Variants in AFAP1L1 observed in about 807,000 individuals in gnomAD.
AFAP1L1 encodes the protein actin filament-associated protein 1-like 1.
AFAP1L1 carries 77 observed loss-of-function variants against 99.8 expected under a neutral mutation model. The ratio of observed to expected loss-of-function variants is 0.77; its 90% CI spans 0.64 to 0.93. The LOEUF is 0.93. Ranked by LOEUF, AFAP1L1 falls within the 40% of genes least tolerant of loss-of-function variation. The pLI is 0.00. For missense variants in AFAP1L1, 893 were observed against 996.8 expected, an observed-to-expected ratio of 0.90 and a Z score of 1.40; for synonymous variants, 373 against 395.3, an observed-to-expected ratio of 0.94 and a Z score of 0.67.
At chr5:149,274,751 C>T (rs545135427) in intron 1 of AFAP1L1, among the ~76,000 whole-genome samples, 11 of 152,048 alleles carry the variant, frequency 7.2e-5, no homozygotes, top group East Asian at 1.9e-4. Context: ...TGGTGGCGGG[C>T]GCCTGTAATC....
chr5:149,335,488 A>AAAAT, intron 17 of AFAP1L1, 106 bp from the exon 18 acceptor site: 1 of 1,380,450 alleles, frequency 7.2e-7, no homozygotes. Context: ...TGTCTCAAAA[A>AAAAT]TAAAAATAAA....
intron 1 of AFAP1L1, among the ~76,000 whole-genome samples, chr5:149,296,689 C>T (rs141119637): frequency 1.3e-5 from 2 of 152,284 alleles, no homozygotes; most frequent in Non-Finnish European, 2.9e-5. Flanking sequence ...AGTTAGTGCT[C>T]AGTAAATGTT....
intron 15 of AFAP1L1, among the ~76,000 whole-genome samples, chr5:149,327,570 G>A (rs1757132015): frequency 6.6e-6 from 1 of 151,856 alleles, no homozygotes; most frequent in African/African-American, 2.4e-5. Flanking sequence ...TATTGATGGG[G>A]CCTCCAATAG....
At chr5:149,284,183 A>G (rs538520824) in intron 1 of AFAP1L1, among the ~76,000 whole-genome samples, 12 of 152,318 alleles carry the variant, frequency 7.9e-5, no homozygotes, top group African/African-American at 2.9e-4. Context: ...TGGGGCCTCC[A>G]TGTCCTTCCA....
At position 149,301,159 on chromosome 5, in the gene AFAP1L1, A is replaced by G; in HGVS notation, c.256A>G (p.Met86Val). 6.2e-7 allele frequency: 1 copy of G among 1,614,026 alleles called. No individual in the cohort carries two copies. Among genetic ancestry groups the G allele is most frequent in the Non-Finnish European group, 8.5e-7 (1 of 1,179,914 alleles). Residue 86 changes from methionine (M) to valine (V), a missense_variant, in exon 4 of 19, where the codon ATG becomes GTG. Physicochemically the swap from Met to Val is conservative, Grantham distance 21. Transcript: ENST00000296721. Reference protein sequence around the residue: ...FDCDLSDLRDMPEDDGEPSKG... With the variant: ...FDCDLSDLRDVPEDDGEPSKG... ...CTGTGACCTGAGTGACCTTCGGGAC[A>G]TGCCAGAGGATGATGGGGAGCCCAG...
chr5:149,307,382 C>G lies in AFAP1L1; in HGVS notation c.536-20C>G. On this transcript the variant is annotated intron_variant, in intron 6 of 18. Transcript: ENST00000296721. Reference sequence around the variant, plus strand: ...CCCCAGGATGGCACAGTGATGGATCCTTTCCCGTGACGCCTGCAGATAATG... The same window carrying G: ...CCCCAGGATGGCACAGTGATGGATCGTTTCCCGTGACGCCTGCAGATAATG... 1 of 1,613,540 alleles carries G rather than the reference C, an allele frequency of 6.2e-7. No homozygotes were observed. The highest frequency in any genetic ancestry group is 8.5e-7 in the Non-Finnish European group (1 of 1,179,546).
At chr5:149,281,049 G>T (rs1755502278) in intron 1 of AFAP1L1, among the ~76,000 whole-genome samples, 1 of 152,090 alleles carries the variant, frequency 6.6e-6, no homozygotes, top group Non-Finnish European at 1.5e-5. Flanking sequence ...TTAGCTTCAG[G>T]GACATTGCAC....
In AFAP1L1 at chr5:149,332,676, T is replaced by A; in HGVS notation, c.1976-19T>A. ...TCAGGTCAGGTTCAGCTTTTTCTTA[T>A]CAATGTCTCTTGATTCAGGAGCAAA... On this transcript the variant is annotated intron_variant, in intron 16 of 18. Coordinates refer to ENST00000296721, the MANE Select transcript of AFAP1L1 (RefSeq NM_152406.4). 6.2e-7 allele frequency: 1 copy of A among 1,604,430 alleles called. No homozygotes were observed. Among genetic ancestry groups the A allele is most frequent in the African/African-American group, 1.3e-5 (1 of 74,438 alleles).
At position 149,302,429 on chromosome 5, in the gene AFAP1L1, G is replaced by GCCT; in HGVS notation, c.342_344dup (p.Pro116dup). On this transcript the variant is annotated inframe_insertion, in exon 5 of 19. Transcript: ENST00000296721. ...TTGTCCCCTTGCAGGCGGCCGACCT[G>GCCT]CCTCCACCGCTCCCCAACAAGCCTC... The GCCT allele has an allele frequency of 6.3e-7, 1 of 1,586,674 alleles. No individual in the cohort carries two copies. The highest frequency in any genetic ancestry group is 8.6e-7 in the Non-Finnish European group (1 of 1,166,544).
At chr5:149,299,706 T>G in intron 2 of AFAP1L1, 69 bp downstream of exon 2, 3 of 1,602,794 alleles carry the variant, frequency 1.9e-6, no homozygotes, top group Non-Finnish European at 1.7e-6. Flanking sequence ...CTTCACTGAC[T>G]CAAGAACATG....
At position 149,299,511 on chromosome 5, in the gene AFAP1L1, C is replaced by G. The variant is rs1314371327; in HGVS notation, c.19C>G (p.Leu7Val). 1.9e-6 allele frequency: 3 copies of G among 1,613,948 alleles called. No individual in the cohort carries two copies. Among genetic ancestry groups the G allele is most frequent in the African/African-American group, 2.7e-5 (2 of 74,928 alleles). ...TGCCCGTCTGCCTTCCTCCGCAGTGCTGGAGCAGCTGCTCCCAGAGCTCAC... is the reference window on the plus strand; with the variant it reads ...TGCCCGTCTGCCTTCCTCCGCAGTGGTGGAGCAGCTGCTCCCAGAGCTCAC... MDRGQV[L>V]EQLLPELTGL... is the part of the protein sequence containing the mutation. The change falls in exon 2 of 19, where the codon CTG becomes GTG. Residue 7 changes from leucine to valine, a missense_variant and splice_region_variant. By Grantham distance (32) the Leu-to-Val change is conservative. Transcript: ENST00000296721.
chr5:149,306,280 G>A (rs1324515412), intron 5 of AFAP1L1, 26 bp from the exon 6 acceptor site: 1 of 1,593,314 alleles, frequency 6.3e-7, no homozygotes, highest in Non-Finnish European at 8.6e-7. Context: ...TTTCTCCAAA[G>A]TGCAGCTCTT....
At chr5:149,291,906 A>C (rs1369835167) in intron 1 of AFAP1L1, among the ~76,000 whole-genome samples, 4 of 152,222 alleles carry the variant, frequency 2.6e-5, no homozygotes, top group African/African-American at 4.8e-5. Context: ...ACAGTCTCAC[A>C]GTGGTCTTTT....
chr5:149,318,002 GT>G, intron 12 of AFAP1L1, 62 bp downstream of exon 12: 1 of 1,520,702 alleles, frequency 6.6e-7, no homozygotes, highest in Non-Finnish European at 8.9e-7. Flanking sequence ...TGAGTGTCAT[GT>G]TTTTGTTTGG....
chr5:149,289,366 G>C (rs1382715067), intron 1 of AFAP1L1, among the ~76,000 whole-genome samples: 1 of 151,930 alleles, frequency 6.6e-6, no homozygotes, highest in Admixed American at 6.6e-5. Flanking sequence ...CTTCCAAGGT[G>C]ACCTCACTGC....
chr5:149,319,148 A>G (rs916492895), intron 12 of AFAP1L1, among the ~76,000 whole-genome samples: 3 of 152,232 alleles, frequency 2.0e-5, no homozygotes, highest in African/African-American at 4.8e-5. Context: ...AGATTTTCCT[A>G]TACACAGTAT....
At chr5:149,283,786 G>A (rs935444215) in intron 1 of AFAP1L1, among the ~76,000 whole-genome samples, 4 of 152,074 alleles carry the variant, frequency 2.6e-5, no homozygotes, top group African/African-American at 9.7e-5. Flanking sequence ...TTTTTTTTTA[G>A]CTCCACTTGG....
chr5:149,318,731 C>T (rs2127599477), intron 12 of AFAP1L1, among the ~76,000 whole-genome samples: 1 of 152,274 alleles, frequency 6.6e-6, no homozygotes, highest in Non-Finnish European at 1.5e-5. Context: ...AACCCTTTGG[C>T]AATTTAGAAT....
Position 149,319,629 on chromosome 5 carries a change from G to GGAGAT in AFAP1L1, c.1529_1533dup (p.Gly512ArgfsTer21), listed in dbSNP as rs755174613. On this transcript the variant is annotated frameshift_variant, in exon 13 of 19. Coordinates refer to ENST00000296721, the MANE Select transcript of AFAP1L1 (RefSeq NM_152406.4). LOFTEE classifies it high-confidence loss of function. ...GTCGCTGGCTCGGGCTGCTGCTGGTGGAGATGGGCTCCAGAGTCACTCCGG... is the reference window on the plus strand; with the variant it reads ...GTCGCTGGCTCGGGCTGCTGCTGGTGGAGATGAGATGGGCTCCAGAGTCACTCCGG... 1 of 1,613,360 alleles carries GGAGAT rather than the reference G, an allele frequency of 6.2e-7. No individual in the cohort carries two copies. The highest frequency in any genetic ancestry group is 1.1e-5 in the South Asian group (1 of 91,044).
Sources: gnomAD v4.1 joint callset for allele counts (sites outside exome capture counted in the v4.1 genomes callset) on GRCh38, gnomAD v4.1.1 for gene constraint, MANE v1.5 for transcripts, NCBI Gene and HGNC (gene_info 2026-07-23, HGNC 2026-07-21) for gene names.